ANKS1B: variants seen among roughly 807,000 people sequenced by gnomAD.
The protein encoded by ANKS1B is ankyrin repeat and sterile alpha motif domain-containing protein 1B.
ANKS1B carries 36 observed loss-of-function variants against 148.3 expected under a neutral mutation model. The observed-to-expected ratio is 0.24, with a 90% confidence interval of 0.19 to 0.32. The LOEUF (loss-of-function observed/expected upper bound fraction) is 0.32, where lower values mean the gene tolerates loss of function less well. ANKS1B is among the 10% of genes least tolerant of loss of function. ANKS1B has a pLI of 1.00. For synonymous variants in ANKS1B, 542 were observed against 560.8 expected, an observed-to-expected ratio of 0.97 and a Z score of 0.47; for missense variants, 1,157 against 1,542.6, an observed-to-expected ratio of 0.75 and a Z score of 4.19.
chr12:98,867,232 CT>C (rs1227851386), intron 17 of ANKS1B, among the ~76,000 whole-genome samples: 1 of 152,120 alleles, frequency 6.6e-6, no homozygotes, highest in East Asian at 1.9e-4. Flanking sequence ...ACTCTGATCC[CT>C]CTTTAGAGCC....
chr12:98,982,968 G>GT (rs1177174532), intron 17 of ANKS1B, among the ~76,000 whole-genome samples: 3 of 152,186 alleles, frequency 2.0e-5, no homozygotes, highest in Non-Finnish European at 4.4e-5. Context: ...GTTTTCTAGA[G>GT]TGGTTATATT....
At chr12:98,821,118 C>G (rs2099186560) in intron 19 of ANKS1B, among the ~76,000 whole-genome samples, 1 of 152,202 alleles carries the variant, frequency 6.6e-6, no homozygotes. Context: ...AACTAAGGCT[C>G]TGCATAGCTA....
chr12:99,274,874 TG>T (rs1280902179), intron 12 of ANKS1B, among the ~76,000 whole-genome samples: 1 of 152,184 alleles, frequency 6.6e-6, no homozygotes, highest in Non-Finnish European at 1.5e-5. Flanking sequence ...GGCTTTCAAA[TG>T]AGACTTTACT....
chr12:99,250,293 C>T (rs1304755686), intron 12 of ANKS1B, among the ~76,000 whole-genome samples: 1 of 152,186 alleles, frequency 6.6e-6, no homozygotes, highest in Middle Eastern at 3.2e-3. Context: ...GTAATTGGGA[C>T]TATGGGCTCT....
intron 15 of ANKS1B, among the ~76,000 whole-genome samples, chr12:99,100,664 G>C (rs1402071941): frequency 6.6e-6 from 1 of 152,170 alleles, no homozygotes; most frequent in Non-Finnish European, 1.5e-5. Flanking sequence ...TGAATAGCTG[G>C]GATTACAGGC....
chr12:99,640,146 TG>T (rs200740652), intron 9 of ANKS1B, among the ~76,000 whole-genome samples: 2,301 of 152,250 alleles, frequency 0.015, 33 homozygotes, highest in Middle Eastern at 0.027. Context: ...CACTCCAGCC[TG>T]GGTGAGAGAG....
At chr12:99,720,760 C>G (rs2057997222) in intron 8 of ANKS1B, among the ~76,000 whole-genome samples, 1 of 152,254 alleles carries the variant, frequency 6.6e-6, no homozygotes, top group East Asian at 1.9e-4. Context: ...CCCCAAAAAA[C>G]TTGTCACCCC....
rs149318963 is a variant in ANKS1B at position 99,550,007 on chromosome 12, C to T, written c.1273-45366G>A. ...GCATGCAAATGGCAGCGGGCTCCAG[C>T]GCTAGCTGGTATCCCCTTCTGCAGG... On this transcript the variant is annotated intron_variant, in intron 9 of 26. Coordinates refer to ENST00000683438, the MANE Select transcript of ANKS1B (RefSeq NM_001352186.2). 8.6e-3 allele frequency among the ~76,000 whole-genome samples: 1,309 copies of T among 152,344 alleles called. 11 individuals are homozygous for T. Among genetic ancestry groups the T allele is most frequent in the Non-Finnish European group, 0.013 (912 of 68,036 alleles).
chr12:99,077,607 C>T (rs1055695239), intron 16 of ANKS1B, among the ~76,000 whole-genome samples: 38 of 152,266 alleles, frequency 2.5e-4, no homozygotes, highest in South Asian at 1.9e-3. Flanking sequence ...TACACTTTTC[C>T]GCTAAAGCGT....
intron 12 of ANKS1B, among the ~76,000 whole-genome samples, chr12:99,320,544 C>T (rs571048390): frequency 4.6e-5 from 7 of 152,204 alleles, no homozygotes; most frequent in South Asian, 2.1e-4. Context: ...CAGCTCCATC[C>T]GGTCATTTAA....
chr12:99,852,404 C>T (rs1240533150), intron 1 of ANKS1B, among the ~76,000 whole-genome samples: 1 of 152,130 alleles, frequency 6.6e-6, no homozygotes, highest in Non-Finnish European at 1.5e-5. Flanking sequence ...AGCTTTAGGG[C>T]TATAAATATG....
chr12:99,337,249 C>G (rs1271016099), intron 12 of ANKS1B, among the ~76,000 whole-genome samples: 1 of 151,856 alleles, frequency 6.6e-6, no homozygotes, highest in African/African-American at 2.4e-5. Context: ...CTCGGTTATT[C>G]TTTCTTCTGC....
intron 9 of ANKS1B, among the ~76,000 whole-genome samples, chr12:99,568,169 T>G (rs2097417345): frequency 6.6e-6 from 1 of 152,238 alleles, no homozygotes. Context: ...TCAGCAGGGA[T>G]GCATTCCTTC....
At chr12:99,790,805 C>A (rs1361886013) in intron 4 of ANKS1B, among the ~76,000 whole-genome samples, 1 of 151,526 alleles carries the variant, frequency 6.6e-6, no homozygotes, top group Non-Finnish European at 1.5e-5. Context: ...AAGCCTACTG[C>A]CAGAGAAAAT....
At chr12:98,772,212 T>C (rs918307) in intron 25 of ANKS1B, among the ~76,000 whole-genome samples, 82,252 of 151,958 alleles carry the variant, frequency 0.54, 22,919 homozygotes, top group African/African-American at 0.65. Context: ...TGCAGTACCT[T>C]AAAATGTGGC....
At chr12:99,172,846 GAATA>G (rs1200772764) in intron 14 of ANKS1B, among the ~76,000 whole-genome samples, 3 of 152,100 alleles carry the variant, frequency 2.0e-5, no homozygotes, top group African/African-American at 4.8e-5. Context: ...TATATGCACT[GAATA>G]AATATTAGTG....
Position 99,655,055 on chromosome 12 carries a change from G to A in ANKS1B, c.1272+12C>T, listed in dbSNP as rs989814517. On this transcript the variant is annotated intron_variant, in intron 9 of 26. Transcript: ENST00000683438. ...TTTGTTTTATTGTACCTTAATAAAA[G>A]CAAACTTTTACCTGGGCAAGCATGG... 2.6e-6 allele frequency: 4 copies of A among 1,547,046 alleles called. No homozygotes were observed. The highest frequency in any genetic ancestry group is 3.5e-6 in the Non-Finnish European group (4 of 1,143,358).
intron 1 of ANKS1B, among the ~76,000 whole-genome samples, chr12:99,827,903 A>G (rs941966154): frequency 6.6e-6 from 1 of 152,200 alleles, no homozygotes; most frequent in African/African-American, 2.4e-5. Flanking sequence ...TACAAATAAC[A>G]TACAAATACC....
intron 11 of ANKS1B, among the ~76,000 whole-genome samples, chr12:99,400,137 A>T (rs958739950): frequency 6.6e-6 from 1 of 151,812 alleles, no homozygotes; most frequent in East Asian, 1.9e-4. Context: ...GTCACCTTTC[A>T]TTCAACTAAC....
Sources: allele counts gnomAD v4.1 joint callset (sites outside exome capture counted in the v4.1 genomes callset), GRCh38; gene constraint gnomAD v4.1.1; transcripts MANE v1.5; gene names NCBI Gene and HGNC (gene_info 2026-07-23, HGNC 2026-07-21).